Variants in SCARA3 observed in about 807,000 individuals in gnomAD.
SCARA3 encodes the protein cellular stress response gene protein.
In SCARA3, 39 loss-of-function variants were observed where a neutral mutation model predicts 47.0. The observed-to-expected ratio is 0.83, with a 90% CI of 0.64 to 1.08. The LOEUF is 1.08. SCARA3 is among the 50% of genes least tolerant of loss of function. The probability of loss-of-function intolerance (pLI) is 0.00; values close to 1 mark genes in which losing one functional copy is unlikely to be tolerated. For synonymous variants in SCARA3, 356 were observed against 334.1 expected (o/e 1.07, Z -0.71); for missense variants, 724 against 792.3 (o/e 0.91, Z 1.04).
downstream of SCARA3, chr8:27,676,483 C>T (rs978474786): frequency 3.3e-6 from 5 of 1,516,028 alleles, no homozygotes; most frequent in Admixed American, 1.7e-5. Context: ...CCCAAAGTCT[C>T]CAACATAGGT....
rs17057478 is a variant in SCARA3, at chr8:27,646,288, C to T, written c.8-3414C>T. 7.9e-3 allele frequency among the ~76,000 whole-genome samples: 1,205 copies of T among 152,308 alleles called. 18 individuals carry two copies. Among genetic ancestry groups the T allele is most frequent in the East Asian group, 0.024 (126 of 5,182 alleles). On this transcript the variant is annotated intron_variant, in intron 1 of 5. Transcript: ENST00000301904. ...TTCCCTTCCCATGGGTCACTCGGTGCGTTACTGGAAAGCCTCGTTAGCAAT... is the reference window on the plus strand; with the variant it reads ...TTCCCTTCCCATGGGTCACTCGGTGTGTTACTGGAAAGCCTCGTTAGCAAT...
At chr8:27,732,707 A>G in the SCARA3 span, among the ~76,000 whole-genome samples, 66,080 of 152,098 alleles carry the variant, frequency 0.43, 14,629 homozygotes, top group East Asian at 0.63. Context: ...ACCCCAGAAC[A>G]CTAGCAGCTA....
the SCARA3 span, among the ~76,000 whole-genome samples, chr8:27,715,658 G>C: frequency 2.0e-5 from 3 of 152,044 alleles, no homozygotes; most frequent in African/African-American, 7.2e-5. This position sits in a 1 kb window ranked among gnomAD's most constrained non-coding sequence, Gnocchi z 4.2. Flanking sequence ...GATAGACACA[G>C]ACAGGAACAG....
chr8:27,727,345 C>A, the SCARA3 span, among the ~76,000 whole-genome samples: 2 of 152,194 alleles, frequency 1.3e-5, no homozygotes, highest in South Asian at 4.1e-4. Flanking sequence ...TGAGGTGCAG[C>A]ACTTCCTGTG....
chr8:27,644,644 GAGA>G (rs1792868220), intron 1 of SCARA3, among the ~76,000 whole-genome samples: 2 of 151,752 alleles, frequency 1.3e-5, no homozygotes, highest in Non-Finnish European at 2.9e-5. Flanking sequence ...GAGAGAGAGA[GAGA>G]AGAGAGACAG....
intron 1 of SCARA3, among the ~76,000 whole-genome samples, chr8:27,647,243 T>C (rs192025452): frequency 6.6e-6 from 1 of 152,232 alleles, no homozygotes; most frequent in East Asian, 1.9e-4. Context: ...CTCACACACA[T>C]GTGCACACAT....
At chr8:27,727,997 C>T in the SCARA3 span, among the ~76,000 whole-genome samples, 1 of 152,104 alleles carries the variant, frequency 6.6e-6, no homozygotes, top group African/African-American at 2.4e-5. Flanking sequence ...GGCGATGGGC[C>T]GGGGGTGGAC....
At chr8:27,639,573 C>A (rs1801338741) in intron 1 of SCARA3, among the ~76,000 whole-genome samples, 1 of 152,038 alleles carries the variant, frequency 6.6e-6, no homozygotes, top group Non-Finnish European at 1.5e-5. Flanking sequence ...CCAGAAAGGA[C>A]CTGAGTGCTC....
At chr8:27,720,820 C>A in the SCARA3 span, among the ~76,000 whole-genome samples, 3 of 152,014 alleles carry the variant, frequency 2.0e-5, no homozygotes, top group South Asian at 2.1e-4. Context: ...ATTCGTCCAG[C>A]CTTCTATTTA....
At chr8:27,640,029 G>A (rs557175438) in intron 1 of SCARA3, among the ~76,000 whole-genome samples, 1 of 152,128 alleles carries the variant, frequency 6.6e-6, no homozygotes, top group South Asian at 2.1e-4. Context: ...GTGCTCATTG[G>A]GAGGGGGAGG....
At chr8:27,710,915 ATTTTTTTTT>A in the SCARA3 span, among the ~76,000 whole-genome samples, 25 of 96,786 alleles carry the variant, frequency 2.6e-4, no homozygotes, top group African/African-American at 7.5e-4. Context: ...CTCATAGGTG[ATTTTTTTTT>A]TTTTTTTTTT....
intron 1 of SCARA3, 55 bp from the exon 2 acceptor site, chr8:27,649,647 G>T: frequency 6.6e-7 from 1 of 1,523,390 alleles, no homozygotes; most frequent in Non-Finnish European, 9.1e-7. Context: ...AATAAAAGGG[G>T]CTGCTGGAGA....
downstream of SCARA3, among the ~76,000 whole-genome samples, chr8:27,675,895 G>A (rs1802269739): frequency 6.7e-6 from 1 of 149,094 alleles, no homozygotes; most frequent in African/African-American, 2.5e-5. Flanking sequence ...GCGGGACGGG[G>A]TGTGGGGAGG....
At chr8:27,682,183 A>G in the SCARA3 span, among the ~76,000 whole-genome samples, 1 of 152,192 alleles carries the variant, frequency 6.6e-6, no homozygotes, top group African/African-American at 2.4e-5. Flanking sequence ...ATGGGGAAGA[A>G]ATTCTTAAAA....
chr8:27,694,223 G>A, the SCARA3 span, among the ~76,000 whole-genome samples: 73,692 of 151,894 alleles, frequency 0.49, 18,171 homozygotes, highest in Middle Eastern at 0.61. Context: ...ACTTCATAGG[G>A]GAATAATGAG....
the SCARA3 span, among the ~76,000 whole-genome samples, chr8:27,704,187 T>A: frequency 6.6e-6 from 1 of 152,144 alleles, no homozygotes; most frequent in African/African-American, 2.4e-5. Context: ...AGCTCATGCC[T>A]ATAATTCCAG....
At chr8:27,717,851 C>G in the SCARA3 span, among the ~76,000 whole-genome samples, 3 of 152,088 alleles carry the variant, frequency 2.0e-5, no homozygotes, top group Non-Finnish European at 2.9e-5. Context: ...TTACCATGCC[C>G]CTCCTCTTCC....
At chr8:27,641,886 G>A (rs1310226994) in intron 1 of SCARA3, among the ~76,000 whole-genome samples, 1 of 152,200 alleles carries the variant, frequency 6.6e-6, no homozygotes, top group Non-Finnish European at 1.5e-5. Context: ...TCCAATCCAG[G>A]TGATGTCATT....
chr8:27,649,439 C>A (rs1285249147), intron 1 of SCARA3, among the ~76,000 whole-genome samples: 1 of 152,246 alleles, frequency 6.6e-6, no homozygotes, highest in East Asian at 1.9e-4. Context: ...CCAGAGAGAG[C>A]AGGCACTGAG....
Sources: allele counts gnomAD v4.1 joint callset (sites outside exome capture counted in the v4.1 genomes callset), GRCh38; gene constraint gnomAD v4.1.1; non-coding constraint Gnocchi (gnomAD v3.1); transcripts MANE v1.5; gene names NCBI Gene and HGNC (gene_info 2026-07-23, HGNC 2026-07-21).